The following CATSPERE variants were observed in gnomAD, a reference collection of about 807,000 sequenced individuals.
The protein encoded by CATSPERE is cation channel sperm-associated auxiliary subunit epsilon.
A neutral mutation model predicts 114.1 loss-of-function variants in CATSPERE; 93 were observed. That is an observed-to-expected ratio of 0.81 (90% CI 0.69 to 0.97). The LOEUF is 0.97. Ranked by LOEUF, CATSPERE falls within the 50% of genes least tolerant of loss-of-function variation. The probability of loss-of-function intolerance (pLI) is 0.00; values close to 1 mark genes in which losing one functional copy is unlikely to be tolerated. For synonymous variants in CATSPERE, 341 were observed against 384.1 expected (o/e 0.89, Z 1.31); for missense variants, 1,058 against 1,131.6 (o/e 0.93, Z 0.93).
At chr1:244,634,015 C>T (rs997671951) in intron 20 of CATSPERE, among the ~76,000 whole-genome samples, 2 of 151,916 alleles carry the variant, frequency 1.3e-5, no homozygotes, top group African/African-American at 4.8e-5. Context: ...AGGCACAGAC[C>T]CCCACACCTG....
intron 7 of CATSPERE, among the ~76,000 whole-genome samples, chr1:244,509,501 G>A (rs2148322801): frequency 6.6e-6 from 1 of 152,088 alleles, no homozygotes; most frequent in Middle Eastern, 3.4e-3. Context: ...TTGAATTTTT[G>A]CATCTCTGTC....
chr1:244,475,576 C>T (rs1669198778), intron 2 of CATSPERE, among the ~76,000 whole-genome samples: 1 of 129,180 alleles, frequency 7.7e-6, no homozygotes. Context: ...CTCACTCCGT[C>T]GCCAGGCTAG....
intron 8 of CATSPERE, among the ~76,000 whole-genome samples, chr1:244,526,657 T>C (rs1162989019): frequency 1.1e-4 from 16 of 151,202 alleles, no homozygotes; most frequent in Non-Finnish European, 1.8e-4. Flanking sequence ...TTTCTTTTTT[T>C]TTTTTTTTTT....
At chr1:244,550,684 TTGGCA>T (rs1195734533) in intron 8 of CATSPERE, among the ~76,000 whole-genome samples, 1 of 152,224 alleles carries the variant, frequency 6.6e-6, no homozygotes, top group Non-Finnish European at 1.5e-5. Flanking sequence ...GAGTTTCTTT[TTGGCA>T]TGGTTTAAGG....
At chr1:244,461,089 TTCCTTCC>T (rs1451932275), upstream of CATSPERE, among the ~76,000 whole-genome samples, 3 of 83,802 alleles carry the variant, frequency 3.6e-5, no homozygotes, top group African/African-American at 2.0e-4. Context: ...TTCTTTTTCT[TTCCTTCC>T]TCCTTCCTTC....
At chr1:244,562,901 C>G (rs888585964) in intron 10 of CATSPERE, among the ~76,000 whole-genome samples, 13 of 152,112 alleles carry the variant, frequency 8.5e-5, no homozygotes, top group African/African-American at 3.1e-4. Flanking sequence ...CAACCCCTGA[C>G]AGGCCTTGGT....
At chr1:244,451,646 A>C, upstream of CATSPERE, 1 of 1,610,230 alleles carries the variant, frequency 6.2e-7, no homozygotes, top group Non-Finnish European at 8.5e-7. This position sits in a 1 kb window ranked among gnomAD's most constrained non-coding sequence, Gnocchi z 6.6. Context: ...TGGCAGCGGC[A>C]CACGATGTCG....
rs182885364 is a variant in CATSPERE at position 244,464,030 on chromosome 1, A to C, written c.114+74A>C. 1.1e-4 allele frequency: 121 copies of C among 1,093,474 alleles called. No homozygotes were observed. The East Asian group carries it at 2.8e-3, about 25-fold the overall frequency. 67.7% of individuals were successfully genotyped at this position (1,093,474 alleles called of 1,614,324 possible). A position where few individuals can be genotyped will look rare whatever the true frequency, so the allele number is the denominator to read the frequency against. ...AACTTTAGAGCAGAGAGCAGAGTTA[A>C]TCATATTGAGTTTTACAGTCATTGT... On this transcript the variant is annotated intron_variant, in intron 2 of 21. Coordinates refer to ENST00000366534, the MANE Select transcript of CATSPERE (RefSeq NM_001130957.2).
rs774134002 is a variant in CATSPERE, at chr1:244,490,522, G to GT, written c.351+54dup. On this transcript the variant is annotated intron_variant, in intron 6 of 21. Transcript: ENST00000366534. ...AGCCTTCATATATCACTAGTATATT[G>GT]TTTCTCTCTTATCTTCCATATTTAC... The GT allele has an allele frequency of 2.8e-6, 3 of 1,074,160 alleles. No individual in the cohort carries two copies. In the African/African-American group the frequency reaches 4.8e-5, roughly 17 times the overall value. The allele number at this position is 1,074,160 out of a possible 1,614,324, so 66.5% of individuals were successfully genotyped here.
In CATSPERE at chr1:244,624,128, A is replaced by ATTTTTTTTT. The variant is rs58744339; in HGVS notation, c.2648+6450_2648+6458dup. On this transcript the variant is annotated intron_variant, in intron 20 of 21. Transcript: ENST00000366534. ...AGGCGTCCGCCACCATGCCCAGCTAATTTTTTTTTTTTTTTTGTATTTTTA... is the reference window on the plus strand; with the variant it reads ...AGGCGTCCGCCACCATGCCCAGCTAATTTTTTTTTTTTTTTTTTTTTTTTTGTATTTTTA... Among the ~76,000 whole-genome samples, 28 of 125,928 alleles carry ATTTTTTTTT rather than the reference A, an allele frequency of 2.2e-4. 1 individual carries two copies. Among genetic ancestry groups the ATTTTTTTTT allele is most frequent in the Non-Finnish European group, 2.5e-4 (15 of 61,036 alleles). The allele number at this position is 125,928 out of a possible 152,430, so 82.6% of individuals were successfully genotyped here. A position where few individuals can be genotyped will look rare whatever the true frequency, so the allele number is the denominator to read the frequency against.
chr1:244,609,611 A>G (rs1361884594), intron 18 of CATSPERE, among the ~76,000 whole-genome samples: 4 of 152,196 alleles, frequency 2.6e-5, no homozygotes, highest in Admixed American at 6.5e-5. Context: ...TCTAGGCAAC[A>G]CTATTCCTGA....
chr1:244,581,129 G>C (rs1049562790), intron 11 of CATSPERE, among the ~76,000 whole-genome samples: 12 of 151,980 alleles, frequency 7.9e-5, no homozygotes, highest in Non-Finnish European at 1.6e-4. Flanking sequence ...GGGAATCATT[G>C]CATGTATATT....
chr1:244,456,125 C>T (rs1666142562), intron 1 of CATSPERE, among the ~76,000 whole-genome samples: 1 of 125,620 alleles, frequency 8.0e-6, no homozygotes, highest in African/African-American at 3.0e-5. Flanking sequence ...GGGGGATGGT[C>T]TAATTACAAA....
At chr1:244,502,357 CTT>C (rs1379716602) in intron 7 of CATSPERE, among the ~76,000 whole-genome samples, 4 of 151,918 alleles carry the variant, frequency 2.6e-5, no homozygotes, top group Non-Finnish European at 4.4e-5. Flanking sequence ...TAATATGTGT[CTT>C]ATAAACACTA....
chr1:244,468,894 G>C (rs1238444558), intron 2 of CATSPERE, among the ~76,000 whole-genome samples: 1 of 152,086 alleles, frequency 6.6e-6, no homozygotes, highest in Admixed American at 6.5e-5. Flanking sequence ...CTCCAGCCTG[G>C]GTGACACAAT....
intron 8 of CATSPERE, among the ~76,000 whole-genome samples, chr1:244,519,427 A>G (rs1180337554): frequency 6.6e-6 from 1 of 152,238 alleles, no homozygotes; most frequent in Non-Finnish European, 1.5e-5. Flanking sequence ...GTTCATTATA[A>G]CATTGATTAG....
chr1:244,544,072 CA>C lies in CATSPERE; in HGVS notation c.537-8231del, dbSNP rs67880287. On this transcript the variant is annotated intron_variant, in intron 8 of 21. Transcript: ENST00000366534. ...AAAAGAAAACTTCACACAAAATATACAAAAAAAAAAAAAAAAAAAGTGTGTA... is the reference window on the plus strand; with the variant it reads ...AAAAGAAAACTTCACACAAAATATACAAAAAAAAAAAAAAAAAAGTGTGTA... Among the ~76,000 whole-genome samples the C allele has an allele frequency of 5.3e-5, 8 of 151,860 alleles. 1 individual carries two copies. In the South Asian group the frequency reaches 1.2e-3, roughly 24 times the overall value.
intron 8 of CATSPERE, among the ~76,000 whole-genome samples, chr1:244,551,152 TA>T (rs1475173588): frequency 6.6e-6 from 1 of 152,178 alleles, no homozygotes; most frequent in Non-Finnish European, 1.5e-5. Context: ...GTGTGTAAAA[TA>T]AAGCTCTTTT....
In CATSPERE at chr1:244,500,229, A is replaced by T. The variant is rs915831013; in HGVS notation, c.429+1150A>T. On this transcript the variant is annotated intron_variant, in intron 7 of 21. Coordinates refer to ENST00000366534, the MANE Select transcript of CATSPERE (RefSeq NM_001130957.2). The stretch of plus-strand genomic sequence containing the variant: ...TTGTAAATTTGTTTAAGTCCCTTGT[A>T]GATTCTGGATATTAGACTTTTGTCA... Among the ~76,000 whole-genome samples, 15 of 152,058 alleles carry T rather than the reference A, an allele frequency of 9.9e-5. 1 individual carries two copies. Among genetic ancestry groups the T allele is most frequent in the African/African-American group, 3.4e-4 (14 of 41,394 alleles).
Sources: allele counts gnomAD v4.1 joint callset (sites outside exome capture counted in the v4.1 genomes callset), GRCh38; gene constraint gnomAD v4.1.1; non-coding constraint Gnocchi (gnomAD v3.1); transcripts MANE v1.5; gene names NCBI Gene and HGNC (gene_info 2026-07-23, HGNC 2026-07-21).